ANKS1B: variants seen among roughly 807,000 people sequenced by gnomAD.
The protein encoded by ANKS1B is ankyrin repeat and sterile alpha motif domain containing 1B, also known as ankyrin repeat and sterile alpha motif domain-containing protein 1B.
In ANKS1B, 36 loss-of-function variants were observed where a neutral mutation model predicts 148.3. The observed-to-expected ratio is 0.24, with a 90% CI of 0.19 to 0.32. The LOEUF (loss-of-function observed/expected upper bound fraction) is 0.32, where lower values mean the gene tolerates loss of function less well. Ranked by LOEUF, ANKS1B falls within the 10% of genes least tolerant of loss-of-function variation. The pLI, the probability that ANKS1B is intolerant of heterozygous loss-of-function variation, is 1.00. For synonymous variants in ANKS1B, 542 were observed against 560.8 expected (o/e 0.97, Z 0.47); for missense variants, 1,157 against 1,542.6 (o/e 0.75, Z 4.19).
chr12:99,233,508 T>C (rs2087257754), intron 14 of ANKS1B, among the ~76,000 whole-genome samples: 2 of 152,146 alleles, frequency 1.3e-5, no homozygotes, highest in South Asian at 4.1e-4. Flanking sequence ...GAACAGGGTG[T>C]TCTGCACAAT....
intron 16 of ANKS1B, among the ~76,000 whole-genome samples, chr12:99,073,752 T>A (rs2046985065): frequency 6.6e-6 from 1 of 152,226 alleles, no homozygotes. Flanking sequence ...ATTCCTGTTC[T>A]TGCTTTTAGT....
chr12:99,369,791 T>TAGACAGACGGAC (rs879173702), intron 12 of ANKS1B, among the ~76,000 whole-genome samples: 5 of 148,770 alleles, frequency 3.4e-5, no homozygotes, highest in African/African-American at 1.2e-4. Context: ...GATAGATAGA[T>TAGACAGACGGAC]GGACGGACGG....
intron 17 of ANKS1B, among the ~76,000 whole-genome samples, chr12:99,025,142 C>T (rs2099948026): frequency 6.6e-6 from 1 of 152,132 alleles, no homozygotes; most frequent in Admixed American, 6.5e-5. Context: ...CCCTGTGCTG[C>T]ACCTGATTAA....
chr12:99,470,496 T>C (rs1444044214), intron 10 of ANKS1B, among the ~76,000 whole-genome samples: 1 of 152,170 alleles, frequency 6.6e-6, no homozygotes, highest in African/African-American at 2.4e-5. Context: ...ATTTTGACTT[T>C]TTGGAAGGTC....
rs531047406 is a variant in ANKS1B, at chr12:98,855,474, T to C, written c.2779-23338A>G. 2.6e-5 allele frequency among the ~76,000 whole-genome samples: 4 copies of C among 152,368 alleles called. 1 individual carries two copies. In the South Asian group the frequency reaches 8.3e-4, roughly 32 times the overall value. On this transcript the variant is annotated intron_variant, in intron 17 of 26. Coordinates refer to ENST00000683438, the MANE Select transcript of ANKS1B (RefSeq NM_001352186.2). ...TCATTATTTTTTGAAAATAGAAGCA[T>C]ATTCGGAAACATATTTAATTTTACG...
At chr12:99,210,493 C>T (rs2153910913) in intron 14 of ANKS1B, among the ~76,000 whole-genome samples, 1 of 152,270 alleles carries the variant, frequency 6.6e-6, no homozygotes, top group South Asian at 2.1e-4. Flanking sequence ...CTTTACAAAA[C>T]CTAAGGGATC....
At chr12:99,509,917 T>C (rs559716048) in intron 9 of ANKS1B, among the ~76,000 whole-genome samples, 3 of 152,130 alleles carry the variant, frequency 2.0e-5, no homozygotes, top group East Asian at 3.9e-4. Context: ...TTGAAGCCAA[T>C]GCTCATTTAC....
chr12:99,382,723 G>A (rs372662274), intron 12 of ANKS1B, among the ~76,000 whole-genome samples: 2,762 of 125,730 alleles, frequency 0.022, 25 homozygotes, highest in Middle Eastern at 0.036. Flanking sequence ...AAAAAAGAGA[G>A]AGAGAGAGAG....
chr12:99,294,941 TAAAAG>T (rs1487366073), intron 12 of ANKS1B, among the ~76,000 whole-genome samples: 3 of 152,166 alleles, frequency 2.0e-5, no homozygotes. Context: ...TTAAAATAAC[TAAAAG>T]AATATAATTG....
chr12:99,923,886 C>T (rs2094425350), intron 1 of ANKS1B, among the ~76,000 whole-genome samples: 1 of 152,078 alleles, frequency 6.6e-6, no homozygotes, highest in Non-Finnish European at 1.5e-5. Context: ...GAGAGTGAGG[C>T]ATTCAACTTC....
At chr12:98,807,516 A>G (rs568583658) in intron 20 of ANKS1B, among the ~76,000 whole-genome samples, 10 of 151,434 alleles carry the variant, frequency 6.6e-5, no homozygotes, top group East Asian at 5.8e-4. Flanking sequence ...ACATGTGTGT[A>G]TATATATATA....
At chr12:99,335,085 T>C (rs930451522) in intron 12 of ANKS1B, among the ~76,000 whole-genome samples, 10 of 152,268 alleles carry the variant, frequency 6.6e-5, no homozygotes, top group African/African-American at 2.4e-4. Flanking sequence ...ATGTTATATT[T>C]ATTTAACAAA....
chr12:98,805,205 G>T (rs1421254353), intron 20 of ANKS1B, among the ~76,000 whole-genome samples: 1 of 151,796 alleles, frequency 6.6e-6, no homozygotes, highest in Admixed American at 6.6e-5. Flanking sequence ...TTTCCTTTAG[G>T]TTCATGTATT....
intron 1 of ANKS1B, among the ~76,000 whole-genome samples, chr12:99,883,189 T>C (rs1462343928): frequency 6.6e-6 from 1 of 152,134 alleles, no homozygotes; most frequent in African/African-American, 2.4e-5. Context: ...CATTGTCTGA[T>C]GAGATTTTCA....
rs369443831 is a variant in ANKS1B at position 98,854,837 on chromosome 12, TCAGA to T, written c.2779-22705_2779-22702del. 7.2e-4 allele frequency among the ~76,000 whole-genome samples: 109 copies of T among 152,316 alleles called. 3 individuals carry two copies. In the East Asian group the frequency reaches 0.02, roughly 28 times the overall value. On this transcript the variant is annotated intron_variant, in intron 17 of 26. Transcript: ENST00000683438. ...CATTCAACATTTCACTCATTTCCCA[TCAGA>T]CAATTTTAATCTGAATAAAGTTTTT...
chr12:99,798,423 TAAAAA>T (rs61020616), intron 4 of ANKS1B, among the ~76,000 whole-genome samples: 231 of 78,648 alleles, frequency 2.9e-3, no homozygotes, highest in African/African-American at 8.5e-3. Flanking sequence ...CTCTTGGAAT[TAAAAA>T]AAAAAAAAAA....
intron 22 of ANKS1B, among the ~76,000 whole-genome samples, chr12:98,790,791 T>C (rs988817423): frequency 6.6e-6 from 1 of 152,192 alleles, no homozygotes; most frequent in African/African-American, 2.4e-5. Flanking sequence ...AACAATGAAC[T>C]TTCAGTGGAT....
In ANKS1B at chr12:99,061,243, A is replaced by G. The variant is rs12230647; in HGVS notation, c.2626-7934T>C. ...TGTAACTTTCAGGTCACCTCTAGCT[A>G]AAAGAAGTTCCTCGACCTAGAATTC... On this transcript the variant is annotated intron_variant, in intron 16 of 26. Transcript: ENST00000683438. Among the ~76,000 whole-genome samples, 15 of 152,306 alleles carry G rather than the reference A, an allele frequency of 9.8e-5. No homozygotes were observed. The East Asian group carries it at 2.9e-3, about 29-fold the overall frequency.
intron 1 of ANKS1B, among the ~76,000 whole-genome samples, chr12:99,874,987 T>C (rs1200395700): frequency 6.6e-6 from 1 of 152,162 alleles, no homozygotes; most frequent in Non-Finnish European, 1.5e-5. Context: ...TCACTTTCCC[T>C]TGGATCAACT....
Sources: allele counts gnomAD v4.1 joint callset (sites outside exome capture counted in the v4.1 genomes callset), GRCh38; gene constraint gnomAD v4.1.1; transcripts MANE v1.5; gene names NCBI Gene and HGNC (gene_info 2026-07-23, HGNC 2026-07-21).